Variants in CPNE8 observed in about 807,000 individuals in gnomAD.
CPNE8 encodes the protein copine-8.
Under a neutral mutation model 81.5 loss-of-function variants are expected in CPNE8, and 45 were observed. The ratio of observed to expected loss-of-function variants is 0.55; its 90% CI spans 0.44 to 0.71. CPNE8 has a LOEUF of 0.71. CPNE8 is among the 30% of genes least tolerant of loss of function. The pLI is 0.00. For missense variants in CPNE8, 594 were observed against 672.1 expected (o/e 0.88, Z 1.28); for synonymous variants, 252 against 226.3 (o/e 1.11, Z -1.02).
intron 1 of CPNE8, among the ~76,000 whole-genome samples, chr12:38,876,693 C>T (rs1226636127): frequency 6.6e-6 from 1 of 152,054 alleles, no homozygotes; most frequent in Non-Finnish European, 1.5e-5. Context: ...TTTAACTTTC[C>T]AATTATATTT....
rs574457273 is a variant in CPNE8, at chr12:38,813,012, A to T, written c.407+16367T>A. Among the ~76,000 whole-genome samples, 17 of 152,358 alleles carry T rather than the reference A, an allele frequency of 1.1e-4. No individual in the cohort carries two copies. The South Asian group carries it at 3.5e-3, about 32-fold the overall frequency. On this transcript the variant is annotated intron_variant, in intron 6 of 19. Transcript: ENST00000331366. ...AGGGAGCAGATACATTGTTGTGAGAATACGGCCCACTGGAGAAAATTTAAG... is the reference window on the plus strand; with the variant it reads ...AGGGAGCAGATACATTGTTGTGAGATTACGGCCCACTGGAGAAAATTTAAG...
intron 7 of CPNE8, among the ~76,000 whole-genome samples, chr12:38,768,061 A>C (rs183607494): frequency 1.3e-5 from 2 of 151,980 alleles, no homozygotes; most frequent in African/African-American, 4.8e-5. Context: ...TCAGTTATAC[A>C]GGTACACATT....
At chr12:38,723,441 C>A (rs1388110590) in intron 13 of CPNE8, among the ~76,000 whole-genome samples, 2 of 152,052 alleles carry the variant, frequency 1.3e-5, no homozygotes, top group Non-Finnish European at 2.9e-5. Context: ...GGCCCTGAAG[C>A]TTTTCACCTA....
intron 4 of CPNE8, among the ~76,000 whole-genome samples, chr12:38,842,651 C>G (rs1245369656): frequency 6.8e-6 from 1 of 146,834 alleles, no homozygotes; most frequent in Non-Finnish European, 1.5e-5. Flanking sequence ...TCTCAGCTCA[C>G]AGCAACCTCC....
intron 13 of CPNE8, among the ~76,000 whole-genome samples, chr12:38,712,082 C>T (rs1413457429): frequency 2.0e-5 from 3 of 151,154 alleles, no homozygotes; most frequent in African/African-American, 7.3e-5. Context: ...AAATTCTAGA[C>T]ATGTATATTC....
intron 16 of CPNE8, among the ~76,000 whole-genome samples, chr12:38,683,183 T>C (rs935787120): frequency 2.6e-5 from 4 of 152,192 alleles, no homozygotes; most frequent in Admixed American, 2.0e-4. Context: ...TTAAAATTGT[T>C]ATTCTTAAAA....
At chr12:38,847,468 A>T (rs967707400) in intron 4 of CPNE8, among the ~76,000 whole-genome samples, 1 of 152,210 alleles carries the variant, frequency 6.6e-6, no homozygotes, top group Non-Finnish European at 1.5e-5. Context: ...AATAAACATA[A>T]TCAGGAAGTT....
chr12:38,762,114 G>A lies in CPNE8; in HGVS notation c.678C>T (p.Asp226=), dbSNP rs1032942550. 6.8e-7 allele frequency: 1 copy of A among 1,471,622 alleles called. No homozygotes were observed. The highest frequency in any genetic ancestry group is 9.2e-7 in the Non-Finnish European group (1 of 1,086,706). The allele number at this position is 1,471,622 out of a possible 1,614,324, so 91.2% of individuals were successfully genotyped here. ...TTTGAATAAACTATCCTTCTTACCT[G>A]TCATAGTCTCCATTACATAATGCTC... ...SVRALCNGDY[D]RTIKVEVYDW... Residue 226 remains aspartate, a splice_region_variant and synonymous_variant, in exon 9 of 20, where the codon GAC becomes GAT. Coordinates refer to ENST00000331366, the MANE Select transcript of CPNE8 (RefSeq NM_153634.3).
intron 6 of CPNE8, among the ~76,000 whole-genome samples, chr12:38,805,651 T>TA (rs1222162065): frequency 3.0e-5 from 2 of 66,654 alleles, no homozygotes; most frequent in African/African-American, 1.0e-4. Flanking sequence ...ACCTAAAACT[T>TA]AGAGTATAAT....
At chr12:38,784,846 A>G (rs1942141590) in intron 6 of CPNE8, among the ~76,000 whole-genome samples, 1 of 152,208 alleles carries the variant, frequency 6.6e-6, no homozygotes. Flanking sequence ...TAGGGATTTC[A>G]TCAACACAAG....
intron 6 of CPNE8, among the ~76,000 whole-genome samples, chr12:38,795,109 C>A (rs1254346864): frequency 6.6e-6 from 1 of 152,192 alleles, no homozygotes; most frequent in Non-Finnish European, 1.5e-5. Flanking sequence ...CAAACTGAAG[C>A]CTGCATTGTT....
At chr12:38,795,445 T>G (rs1942437316) in intron 6 of CPNE8, among the ~76,000 whole-genome samples, 1 of 152,162 alleles carries the variant, frequency 6.6e-6, no homozygotes, top group African/African-American at 2.4e-5. Flanking sequence ...GCGGCACTAT[T>G]CACAATATCT....
intron 3 of CPNE8, among the ~76,000 whole-genome samples, chr12:38,866,916 T>A (rs189130392): frequency 4.0e-4 from 61 of 152,266 alleles, no homozygotes; most frequent in African/African-American, 1.3e-3. Context: ...TGGAGTGCAA[T>A]GGCGGGATCT....
At chr12:38,691,969 T>C (rs1234583787) in intron 15 of CPNE8, among the ~76,000 whole-genome samples, 1 of 152,100 alleles carries the variant, frequency 6.6e-6, no homozygotes, top group Non-Finnish European at 1.5e-5. Context: ...CAGCAATATC[T>C]AACCTATATG....
intron 4 of CPNE8, among the ~76,000 whole-genome samples, chr12:38,845,890 A>G (rs1943551642): frequency 6.6e-6 from 1 of 152,158 alleles, no homozygotes; most frequent in Admixed American, 6.6e-5. Flanking sequence ...AATCATATAA[A>G]ATGGAGATGT....
At chr12:38,796,496 C>G (rs1242965909) in intron 6 of CPNE8, among the ~76,000 whole-genome samples, 1 of 152,112 alleles carries the variant, frequency 6.6e-6, no homozygotes, top group Non-Finnish European at 1.5e-5. Context: ...AAAAGTCATA[C>G]TCTGGGAGAT....
At chr12:38,669,801 C>T (rs1173009088) in intron 19 of CPNE8, among the ~76,000 whole-genome samples, 1 of 152,170 alleles carries the variant, frequency 6.6e-6, no homozygotes, top group Non-Finnish European at 1.5e-5. Flanking sequence ...AAGCATATTC[C>T]TTTCCCTTCA....
Position 38,774,515 on chromosome 12 carries a change from A to C in CPNE8, c.471+1723T>G, listed in dbSNP as rs573752157. ...ATCGCTGCATTTAAATAATTATGCT[A>C]TATTTTCTAAGGCACTGGGTAGTAT... On this transcript the variant is annotated intron_variant, in intron 7 of 19. Transcript: ENST00000331366. Among the ~76,000 whole-genome samples the C allele has an allele frequency of 2.0e-4, 31 of 152,258 alleles. No homozygotes were observed. In the South Asian group the frequency reaches 6.4e-3, roughly 32 times the overall value.
In CPNE8 at chr12:38,776,310, A is replaced by G. The variant is rs201344570; in HGVS notation, c.408-9T>C. 40 of 1,340,372 alleles carry G rather than the reference A, an allele frequency of 3.0e-5. No homozygotes were observed. The highest frequency in any genetic ancestry group is 2.0e-4 in the Middle Eastern group (1 of 5,102). 83.0% of individuals were successfully genotyped at this position (1,340,372 alleles called of 1,614,324 possible). ...TCTTCCCTGGAATTCCTCTAAAACA[A>G]CAAAAATATATTTATATACATTAAT... On this transcript the variant is annotated splice_polypyrimidine_tract_variant and intron_variant, in intron 6 of 19. Transcript: ENST00000331366.
Sources: allele counts gnomAD v4.1 joint callset (sites outside exome capture counted in the v4.1 genomes callset), GRCh38; gene constraint gnomAD v4.1.1; transcripts MANE v1.5; gene names NCBI Gene and HGNC (gene_info 2026-07-23, HGNC 2026-07-21).